The following CNOT10 variants were observed in gnomAD, a reference collection of about 807,000 sequenced individuals.
CNOT10 encodes the protein CCR4-NOT transcription complex, subunit 10.
Under a neutral mutation model 94.6 loss-of-function variants are expected in CNOT10, and 30 were observed. The observed-to-expected ratio is 0.32, with a 90% CI of 0.24 to 0.43. The LOEUF (loss-of-function observed/expected upper bound fraction) is 0.43. Among genes scored for constraint, CNOT10 ranks in the 20% least tolerant of loss-of-function variants. The pLI, the probability that CNOT10 is intolerant of heterozygous loss-of-function variation, is 1.00. For synonymous variants in CNOT10, 289 were observed against 301.6 expected (o/e 0.96, Z 0.43); for missense variants, 759 against 877.2 (o/e 0.87, Z 1.70).
intron 18 of CNOT10, among the ~76,000 whole-genome samples, chr3:32,771,825 A>G (rs1288282080): frequency 6.6e-6 from 1 of 152,346 alleles, no homozygotes; most frequent in South Asian, 2.1e-4. Flanking sequence ...GACTGAGAAC[A>G]TGAGTTAGAA....
intron 7 of CNOT10, among the ~76,000 whole-genome samples, chr3:32,719,236 G>A (rs1345162065): frequency 2.6e-5 from 4 of 151,382 alleles, no homozygotes; most frequent in Admixed American, 1.3e-4. Context: ...GCAACGGAGC[G>A]AGACTCCGTC....
rs557784798 is a variant in CNOT10, at chr3:32,703,130, T to C, written c.23-738T>C. On this transcript the variant is annotated intron_variant, in intron 1 of 18. Coordinates refer to ENST00000328834, the MANE Select transcript of CNOT10 (RefSeq NM_015442.3). ...TAGTAGTGACGGGGTTTCACCGTGT[T>C]AGCCAGGATGGTCTCGATCTCCTGA... is the stretch of plus-strand genomic sequence containing the variant. Among the ~76,000 whole-genome samples, 3 of 151,206 alleles carry C rather than the reference T, an allele frequency of 2.0e-5. No homozygotes were observed. The South Asian group carries it at 6.3e-4, about 32-fold the overall frequency.
Position 32,773,685 on chromosome 3 carries a change from G to A in CNOT10, c.*74G>A. ...TGGCCATTTTAGTTGTATCACAGCA[G>A]AATGAATAAAAGATGGTGAAGGCTG... On this transcript the variant is annotated 3_prime_UTR_variant, in exon 19 of 19. Coordinates refer to ENST00000328834, the MANE Select transcript of CNOT10 (RefSeq NM_015442.3). The A allele has an allele frequency of 2.1e-6, 3 of 1,431,454 alleles. No homozygotes were observed. In the South Asian group the frequency reaches 4.3e-5, roughly 21 times the overall value. 88.7% of individuals were successfully genotyped at this position (1,431,454 alleles called of 1,614,324 possible).
intron 3 of CNOT10, among the ~76,000 whole-genome samples, chr3:32,706,649 T>C (rs1054928651): frequency 2.6e-5 from 4 of 152,220 alleles, no homozygotes; most frequent in African/African-American, 9.6e-5. Flanking sequence ...GGCAAAGTTA[T>C]TTGTGTGATA....
At chr3:32,753,019 C>CT in intron 13 of CNOT10, 1 of 490,286 alleles carries the variant, frequency 2.0e-6, no homozygotes, top group Non-Finnish European at 4.1e-6. Flanking sequence ...CTGACTAAGG[C>CT]TTTGGAACAG....
Position 32,764,668 on chromosome 3 carries a change from C to T in CNOT10, c.1877-14C>T, listed in dbSNP as rs763322252. ...CACGGCCTCTTCACCAGTGTCTACA[C>T]TCTTTTTCCCCAGCTGGTAAGCGGG... On this transcript the variant is annotated splice_polypyrimidine_tract_variant and intron_variant, in intron 16 of 18. Transcript: ENST00000328834. The T allele has an allele frequency of 1.9e-6, 3 of 1,613,550 alleles. No homozygotes were observed. The highest frequency in any genetic ancestry group is 2.5e-6 in the Non-Finnish European group (3 of 1,179,810).
At chr3:32,699,278 GTTTC>G (rs1484896347) in intron 1 of CNOT10, among the ~76,000 whole-genome samples, 1 of 152,046 alleles carries the variant, frequency 6.6e-6, no homozygotes, top group Non-Finnish European at 1.5e-5. Context: ...TTTGCAATCT[GTTTC>G]TTTTATTTAA....
At chr3:32,763,965 T>C (rs996862567) in intron 15 of CNOT10, among the ~76,000 whole-genome samples, 4 of 152,078 alleles carry the variant, frequency 2.6e-5, no homozygotes, top group African/African-American at 9.7e-5. Flanking sequence ...ACCCTGTCTC[T>C]ACTAAAAATA....
intron 17 of CNOT10, among the ~76,000 whole-genome samples, chr3:32,767,449 G>A (rs1409874963): frequency 2.6e-5 from 4 of 151,022 alleles, no homozygotes; most frequent in Non-Finnish European, 1.5e-5. Flanking sequence ...AACGCAGGAG[G>A]TGGAGGTTGT....
chr3:32,763,710 G>A (rs1428225311), intron 15 of CNOT10, among the ~76,000 whole-genome samples: 1 of 152,148 alleles, frequency 6.6e-6, no homozygotes, highest in South Asian at 2.1e-4. Flanking sequence ...CAAGACTAGT[G>A]CTCAGGTTTG....
chr3:32,754,296 T>C (rs535311131), intron 13 of CNOT10, among the ~76,000 whole-genome samples: 55 of 150,030 alleles, frequency 3.7e-4, no homozygotes, highest in African/African-American at 1.2e-3. Context: ...GCTAACATGG[T>C]GAAACCCCAT....
intron 3 of CNOT10, among the ~76,000 whole-genome samples, chr3:32,706,935 G>T (rs1234759159): frequency 1.3e-5 from 2 of 152,212 alleles, no homozygotes; most frequent in Admixed American, 1.3e-4. Context: ...TTAACCACGT[G>T]GGTGGTTGAC....
intron 9 of CNOT10, among the ~76,000 whole-genome samples, chr3:32,725,943 GTTT>G (rs1698646203): frequency 1.3e-5 from 2 of 151,502 alleles, no homozygotes; most frequent in Admixed American, 6.6e-5. Flanking sequence ...GTTTTGTTTT[GTTT>G]TGTTTTGTTT....
intron 1 of CNOT10, among the ~76,000 whole-genome samples, chr3:32,699,024 G>A (rs1697209746): frequency 6.6e-6 from 1 of 152,132 alleles, no homozygotes; most frequent in African/African-American, 2.4e-5. Context: ...GGGCTCAAGT[G>A]ATCCACCCGC....
intron 3 of CNOT10, 127 bp downstream of exon 3, chr3:32,705,099 A>G (rs1697554183): frequency 1.5e-6 from 1 of 680,038 alleles, no homozygotes. Context: ...GTTAGCATTA[A>G]TTTTATTTCC....
intron 12 of CNOT10, among the ~76,000 whole-genome samples, chr3:32,736,082 T>TTTTGTTTG (rs201247239): frequency 4.5e-4 from 68 of 152,150 alleles, no homozygotes; most frequent in Non-Finnish European, 8.7e-4. Flanking sequence ...TTGTTTTGTT[T>TTTTGTTTG]TTTGTTTGTT....
chr3:32,747,210 G>A (rs1699739371), intron 13 of CNOT10, among the ~76,000 whole-genome samples: 1 of 152,066 alleles, frequency 6.6e-6, no homozygotes, highest in African/African-American at 2.4e-5. Flanking sequence ...GAGGTCAAGA[G>A]TTCGAGATCA....
At chr3:32,758,507 T>TA (rs776711714) in intron 13 of CNOT10, among the ~76,000 whole-genome samples, 3 of 152,218 alleles carry the variant, frequency 2.0e-5, no homozygotes, top group Admixed American at 2.0e-4. Flanking sequence ...TCTGTGGTGA[T>TA]ATACTGGTTA....
At chr3:32,688,630 A>C (rs1398661324) in intron 1 of CNOT10, among the ~76,000 whole-genome samples, 1 of 151,556 alleles carries the variant, frequency 6.6e-6, no homozygotes. Flanking sequence ...GAAAAAAATG[A>C]GTAAGAGAGG....
Sources: allele counts gnomAD v4.1 joint callset (sites outside exome capture counted in the v4.1 genomes callset), GRCh38; gene constraint gnomAD v4.1.1; transcripts MANE v1.5; gene names NCBI Gene and HGNC (gene_info 2026-07-23, HGNC 2026-07-21).